ATOSA: variants seen among roughly 807,000 people sequenced by gnomAD.
The protein encoded by ATOSA is atos homolog protein A.
chr15:52,610,437 A>G, the ATOSA span: 1 of 1,478,758 alleles, frequency 6.8e-7, no homozygotes, highest in African/African-American at 1.4e-5. Flanking sequence ...TTAGATCCTT[A>G]TTATTGTATA....
chr15:52,605,337 T>C, the ATOSA span: 2 of 880,584 alleles, frequency 2.3e-6, no homozygotes, highest in Non-Finnish European at 3.5e-6. Context: ...TCATTCCTAA[T>C]ACATTCTGAG....
chr15:52,668,629 A>G, the ATOSA span, among the ~76,000 whole-genome samples: 1 of 152,354 alleles, frequency 6.6e-6, no homozygotes, highest in Middle Eastern at 3.4e-3. Flanking sequence ...TTAATTATTT[A>G]CACAACATAT....
the ATOSA span, among the ~76,000 whole-genome samples, chr15:52,633,435 G>GC: frequency 1.3e-5 from 2 of 152,208 alleles, no homozygotes; most frequent in Non-Finnish European, 2.9e-5. Context: ...CCCAACAACT[G>GC]CCCCACCTTA....
chr15:52,607,421 A>G, the ATOSA span, among the ~76,000 whole-genome samples: 2 of 152,220 alleles, frequency 1.3e-5, no homozygotes, highest in Non-Finnish European at 2.9e-5. Flanking sequence ...GAATTAATTC[A>G]TTTTCTAAAC....
chr15:52,702,701 C>T, the ATOSA span, among the ~76,000 whole-genome samples: 3 of 144,148 alleles, frequency 2.1e-5, no homozygotes, highest in Non-Finnish European at 4.5e-5. Context: ...CCCCACACCT[C>T]AGTATCATGC....
chr15:52,588,347 A>C, the ATOSA span, among the ~76,000 whole-genome samples: 2 of 152,240 alleles, frequency 1.3e-5, no homozygotes, highest in East Asian at 3.8e-4. Flanking sequence ...AGGTAAGTTC[A>C]AATTGAATGT....
chr15:52,680,468 T>C, the ATOSA span, among the ~76,000 whole-genome samples: 1 of 139,720 alleles, frequency 7.2e-6, no homozygotes, highest in Non-Finnish European at 1.6e-5. Context: ...TGTTTTAAAA[T>C]TTTTTTTACA....
the ATOSA span, chr15:52,609,348 C>A: frequency 6.2e-7 from 1 of 1,613,948 alleles, no homozygotes; most frequent in South Asian, 1.1e-5. Context: ...CATATGAACT[C>A]CTAAACACTT....
chr15:52,597,745 A>G, the ATOSA span, among the ~76,000 whole-genome samples: 11 of 152,320 alleles, frequency 7.2e-5, no homozygotes, highest in African/African-American at 2.4e-4. Flanking sequence ...GGGGTGTCCA[A>G]TCTTTTGGCT....
the ATOSA span, chr15:52,586,834 G>A: frequency 2.0e-3 from 395 of 194,608 alleles, no homozygotes; most frequent in Non-Finnish European, 3.1e-3. Flanking sequence ...AAACAGGTTC[G>A]TCTCAATTTG....
chr15:52,687,839 AT>A, the ATOSA span, among the ~76,000 whole-genome samples: 1 of 152,202 alleles, frequency 6.6e-6, no homozygotes. Context: ...GTCAGAGTAT[AT>A]GTCCCAGCTT....
the ATOSA span, among the ~76,000 whole-genome samples, chr15:52,671,968 A>G: frequency 2.4e-3 from 366 of 151,882 alleles, no homozygotes; most frequent in African/African-American, 8.5e-3. Context: ...GAATTGTGGT[A>G]TTACACATGG....
the ATOSA span, among the ~76,000 whole-genome samples, chr15:52,635,798 T>A: frequency 3.6e-3 from 542 of 151,876 alleles, 4 homozygotes; most frequent in African/African-American, 0.013. Flanking sequence ...GAGTTCAAGA[T>A]CAGCCTGGCC....
the ATOSA span, among the ~76,000 whole-genome samples, chr15:52,614,684 C>A: frequency 6.6e-6 from 1 of 151,810 alleles, no homozygotes; most frequent in South Asian, 2.1e-4. Flanking sequence ...CCAGTCTCTA[C>A]TAAAAATACA....
the ATOSA span, among the ~76,000 whole-genome samples, chr15:52,634,466 C>A: frequency 6.6e-6 from 1 of 150,882 alleles, no homozygotes; most frequent in Non-Finnish European, 1.5e-5. Context: ...GGATTTAAGC[C>A]CATCTATATC....
chr15:52,705,152 C>T, the ATOSA span, among the ~76,000 whole-genome samples: 1 of 152,142 alleles, frequency 6.6e-6, no homozygotes, highest in Admixed American at 6.5e-5. Flanking sequence ...GGCACATATA[C>T]ACCATGGAAT....
the ATOSA span, among the ~76,000 whole-genome samples, chr15:52,695,634 A>G: frequency 6.6e-6 from 1 of 152,220 alleles, no homozygotes; most frequent in East Asian, 1.9e-4. Context: ...CATATTTGCC[A>G]TGTGGACTGA....
the ATOSA span, among the ~76,000 whole-genome samples, chr15:52,597,192 TC>T: frequency 0.021 from 116 of 5,470 alleles, 3 homozygotes; most frequent in East Asian, 0.42. Context: ...TCTATTCTAT[TC>T]TATTCTATTC....
chr15:52,584,713 A>G, the ATOSA span: 2 of 1,582,988 alleles, frequency 1.3e-6, no homozygotes, highest in Non-Finnish European at 1.7e-6. Flanking sequence ...GTTGTTCTAA[A>G]GTAACATTTT....
Sources: gnomAD v4.1 joint callset for allele counts (sites outside exome capture counted in the v4.1 genomes callset) on GRCh38, gnomAD v4.1.1 for gene constraint, MANE v1.5 for transcripts, NCBI Gene and HGNC (gene_info 2026-07-23, HGNC 2026-07-21) for gene names.